The following EGFR variants were observed in gnomAD, a reference collection of about 807,000 sequenced individuals.
EGFR encodes the protein epidermal growth factor receptor, also known as avian erythroblastic leukemia viral (v-erb-b) oncogene homolog.
EGFR carries 58 observed loss-of-function variants against 143.0 expected under a neutral mutation model. The ratio of observed to expected loss-of-function variants is 0.41; its 90% CI spans 0.33 to 0.50. The LOEUF is 0.50. Ranked by LOEUF, EGFR falls within the 20% of genes least tolerant of loss-of-function variation. The pLI, the probability that EGFR is intolerant of heterozygous loss-of-function variation, is 0.39. For missense variants in EGFR, 1,307 were observed against 1,579.0 expected, an observed-to-expected ratio of 0.83 and a Z score of 2.92; for synonymous variants, 613 against 594.4, an observed-to-expected ratio of 1.03 and a Z score of -0.45.
intron 20 of EGFR, among the ~76,000 whole-genome samples, chr7:55,184,730 C>CT (rs1787055964): frequency 6.6e-6 from 1 of 152,156 alleles, no homozygotes; most frequent in Non-Finnish European, 1.5e-5. Context: ...CGCTTTGTCT[C>CT]TGTTAGATTT....
At chr7:55,121,218 A>T (rs543114010) in intron 1 of EGFR, among the ~76,000 whole-genome samples, 2 of 152,302 alleles carry the variant, frequency 1.3e-5, no homozygotes, top group Non-Finnish European at 2.9e-5. Flanking sequence ...GCTTACAACC[A>T]TACATAGATT....
At chr7:55,026,999 A>C (rs774059271) in intron 1 of EGFR, among the ~76,000 whole-genome samples, 5 of 152,184 alleles carry the variant, frequency 3.3e-5, no homozygotes, top group Admixed American at 2.0e-4. Flanking sequence ...AAGACACTGG[A>C]AGGGCAGGCC....
At chr7:55,085,374 C>G (rs1451072661) in intron 1 of EGFR, among the ~76,000 whole-genome samples, 1 of 152,108 alleles carries the variant, frequency 6.6e-6, no homozygotes, top group Non-Finnish European at 1.5e-5. Flanking sequence ...GTCTCTTTTT[C>G]CAGGGGAGGC....
At chr7:55,131,781 G>C (rs758373239) in intron 1 of EGFR, among the ~76,000 whole-genome samples, 8 of 152,154 alleles carry the variant, frequency 5.3e-5, no homozygotes, top group Non-Finnish European at 8.8e-5. Flanking sequence ...GGTCCCTGCT[G>C]CTGACCCCTT....
chr7:55,120,208 G>C (rs1434950697), intron 1 of EGFR, among the ~76,000 whole-genome samples: 1 of 152,188 alleles, frequency 6.6e-6, no homozygotes, highest in Non-Finnish European at 1.5e-5. Flanking sequence ...GGATGACCAA[G>C]AGCACTCTAC....
Position 55,152,587 on chromosome 7 carries a change from CG to C in EGFR, c.671del (p.Arg224LeufsTer56). The C allele has an allele frequency of 1.2e-6, 2 of 1,613,874 alleles. No individual in the cohort carries two copies. The highest frequency in any genetic ancestry group is 1.7e-6 in the Non-Finnish European group (2 of 1,180,036). ...TGCCCAGCAGTGCTCCGGGCGCTGC[CG>C]TGGCAAGTCCCCCAGTGACTGCTGC... ...ICAQQCSGRC[R>X]GKSPSDCCHN... On this transcript the variant is annotated frameshift_variant, in exon 6 of 28. Transcript: ENST00000275493. LOFTEE classifies it high-confidence loss of function.
At chr7:55,035,341 GT>G (rs1330360109) in intron 1 of EGFR, among the ~76,000 whole-genome samples, 1 of 151,862 alleles carries the variant, frequency 6.6e-6, no homozygotes, top group African/African-American at 2.4e-5. Context: ...GACAGGATGA[GT>G]TTTTTTATAG....
intron 1 of EGFR, among the ~76,000 whole-genome samples, chr7:55,072,788 G>C (rs1045178129): frequency 1.3e-5 from 2 of 152,180 alleles, no homozygotes; most frequent in Admixed American, 6.5e-5. Context: ...TCCTTAAAAA[G>C]ATAGTGCAGA....
intron 16 of EGFR, among the ~76,000 whole-genome samples, chr7:55,172,459 G>A (rs891946784): frequency 7.2e-5 from 11 of 152,072 alleles, no homozygotes; most frequent in African/African-American, 2.7e-4. Flanking sequence ...CCCCTTTCAA[G>A]CTCGTTCAGA....
At chr7:55,074,972 A>T (rs1280658125) in intron 1 of EGFR, among the ~76,000 whole-genome samples, 1 of 152,218 alleles carries the variant, frequency 6.6e-6, no homozygotes, top group Non-Finnish European at 1.5e-5. Context: ...CATTCATGGA[A>T]AATCAGTATA....
intron 19 of EGFR, among the ~76,000 whole-genome samples, chr7:55,179,481 T>A (rs1324743205): frequency 6.6e-6 from 1 of 151,638 alleles, no homozygotes. Context: ...AAGGAGGAGG[T>A]GGGTTCTGGG....
intron 1 of EGFR, among the ~76,000 whole-genome samples, chr7:55,132,463 T>TA (rs1044607559): frequency 2.0e-5 from 3 of 152,064 alleles, no homozygotes; most frequent in East Asian, 1.9e-4. Context: ...TGGGAAGGCA[T>TA]AAAAAAAAGA....
chr7:55,110,407 G>C (rs150447467), intron 1 of EGFR, among the ~76,000 whole-genome samples: 1 of 152,264 alleles, frequency 6.6e-6, no homozygotes, highest in East Asian at 1.9e-4. Flanking sequence ...AAGCCTGCCC[G>C]GTCTGCGGGG....
At chr7:55,193,502 C>T (rs1787491083) in intron 22 of EGFR, among the ~76,000 whole-genome samples, 1 of 152,126 alleles carries the variant, frequency 6.6e-6, no homozygotes, top group Non-Finnish European at 1.5e-5. Context: ...CAGGGGCCTC[C>T]CATGTTGAGA....
intron 15 of EGFR, chr7:55,170,651 C>A: frequency 1.9e-6 from 3 of 1,597,880 alleles, no homozygotes; most frequent in Admixed American, 3.3e-5. Flanking sequence ...TCCTTCCACT[C>A]CCTTTGCCAG....
rs1000385273 is a variant in EGFR, at chr7:55,207,040, C to G, written c.*1423C>G. The G allele has an allele frequency of 4.7e-5, 11 of 232,820 alleles. No individual in the cohort carries two copies. The highest frequency in any genetic ancestry group is 2.0e-4 in the African/African-American group (9 of 45,308). 14.4% of individuals were successfully genotyped at this position (232,820 alleles called of 1,614,324 possible). On this transcript the variant is annotated 3_prime_UTR_variant, in exon 28 of 28. Transcript: ENST00000275493. Reference sequence around the variant, plus strand: ...ATTGGAAGATTCAGCTAGTTAGGAGCCCACCTTTTTTCCTAATCTGTGTGT... The same window carrying G: ...ATTGGAAGATTCAGCTAGTTAGGAGGCCACCTTTTTTCCTAATCTGTGTGT...
chr7:55,036,405 C>G (rs990433214), intron 1 of EGFR, among the ~76,000 whole-genome samples: 1 of 151,826 alleles, frequency 6.6e-6, no homozygotes, highest in Non-Finnish European at 1.5e-5. Context: ...GCTGGTGAGG[C>G]CATGTTGCCC....
chr7:55,057,068 T>C (rs1788869119), intron 1 of EGFR, among the ~76,000 whole-genome samples: 1 of 152,148 alleles, frequency 6.6e-6, no homozygotes, highest in Admixed American at 6.5e-5. Flanking sequence ...GCGACTGCCA[T>C]CCTCTGGTAC....
chr7:55,163,694 T>C, intron 13 of EGFR, 39 bp from the exon 14 acceptor site: 1 of 1,569,536 alleles, frequency 6.4e-7, no homozygotes, highest in Non-Finnish European at 8.8e-7. Context: ...CAATAATGTC[T>C]CAGGGGTGGG....
Sources: allele counts gnomAD v4.1 joint callset (sites outside exome capture counted in the v4.1 genomes callset), GRCh38; gene constraint gnomAD v4.1.1; transcripts MANE v1.5; gene names NCBI Gene and HGNC (gene_info 2026-07-23, HGNC 2026-07-21).